The following CDC42EP4 variants were observed in gnomAD, a reference collection of about 807,000 sequenced individuals.
CDC42EP4 encodes the protein CDC42 effector protein (Rho GTPase binding) 4.
A neutral mutation model predicts 5.6 loss-of-function variants in CDC42EP4; 6 were observed. The ratio of observed to expected loss-of-function variants is 1.07; its 90% CI spans 0.59 to 2.12. The LOEUF (loss-of-function observed/expected upper bound fraction) is 2.12. Ranked by LOEUF, CDC42EP4 falls within the 30% of genes most tolerant of loss-of-function variation. The pLI, the probability that CDC42EP4 is intolerant of heterozygous loss-of-function variation, is 0.00. For missense variants in CDC42EP4, 490 were observed against 508.6 expected, an observed-to-expected ratio of 0.96 and a Z score of 0.35; for synonymous variants, 230 against 224.2, an observed-to-expected ratio of 1.03 and a Z score of -0.23.
intron 1 of CDC42EP4, among the ~76,000 whole-genome samples, chr17:73,310,528 C>A (rs889720676): frequency 5.9e-5 from 9 of 151,982 alleles, no homozygotes; most frequent in African/African-American, 1.9e-4. Flanking sequence ...ACAGTGGGCA[C>A]CGGGCACACA....
intron 1 of CDC42EP4, among the ~76,000 whole-genome samples, chr17:73,304,815 C>T (rs938279887): frequency 6.6e-6 from 1 of 152,154 alleles, no homozygotes; most frequent in African/African-American, 2.4e-5. Context: ...GCACCTCATT[C>T]CCCACCACTC....
intron 1 of CDC42EP4, among the ~76,000 whole-genome samples, chr17:73,296,374 C>T (rs926267750): frequency 8.8e-5 from 13 of 147,230 alleles, no homozygotes; most frequent in South Asian, 2.2e-4. Context: ...GCCGAGATCA[C>T]GCCATTGCAC....
At chr17:73,309,417 T>A (rs2062262111) in intron 1 of CDC42EP4, among the ~76,000 whole-genome samples, 1 of 152,040 alleles carries the variant, frequency 6.6e-6, no homozygotes, top group African/African-American at 2.4e-5. Context: ...CTCTCCCAGG[T>A]CAACACTCAC....
In CDC42EP4 at chr17:73,285,212, CATG is replaced by C. The variant is rs1230283871; in HGVS notation, c.*215_*217del. 3 of 446,202 alleles carry C rather than the reference CATG, an allele frequency of 6.7e-6. No homozygotes were observed. Among genetic ancestry groups the C allele is most frequent in the East Asian group, 6.6e-5 (2 of 30,132 alleles). 27.6% of individuals were successfully genotyped at this position (446,202 alleles called of 1,614,324 possible). On this transcript the variant is annotated 3_prime_UTR_variant, in exon 2 of 2. Transcript: ENST00000335793. This position sits in a 1 kb window ranked among gnomAD's most constrained non-coding sequence, Gnocchi z 6.8. Reference sequence around the variant, plus strand: ...TCCCACGCAGCCTAAGTGCAGGGAGCATGATGAAGTCAGGCAGCCAGTCGGCAC... The same window carrying C: ...TCCCACGCAGCCTAAGTGCAGGGAGCATGAAGTCAGGCAGCCAGTCGGCAC...
intron 1 of CDC42EP4, among the ~76,000 whole-genome samples, chr17:73,300,922 G>A (rs894533711): frequency 1.3e-5 from 2 of 152,004 alleles, no homozygotes; most frequent in Non-Finnish European, 2.9e-5. Context: ...GCGTGCGCCT[G>A]TAATCCCAGC....
intron 1 of CDC42EP4, among the ~76,000 whole-genome samples, chr17:73,304,289 T>C (rs910958728): frequency 2.6e-5 from 4 of 151,720 alleles, no homozygotes; most frequent in African/African-American, 9.7e-5. Context: ...TTTTTTTTTT[T>C]TTCCTGAGAG....
intron 1 of CDC42EP4, among the ~76,000 whole-genome samples, chr17:73,303,785 AG>A (rs2062231493): frequency 6.6e-6 from 1 of 152,172 alleles, no homozygotes; most frequent in South Asian, 2.1e-4. Context: ...TCCTAGGGCT[AG>A]TCCCACTGAT....
intron 1 of CDC42EP4, among the ~76,000 whole-genome samples, chr17:73,292,489 T>C (rs1200637889): frequency 6.7e-6 from 1 of 150,228 alleles, no homozygotes; most frequent in Non-Finnish European, 1.5e-5. Context: ...GGCACGTGTG[T>C]AGTGTGAGTG....
intron 1 of CDC42EP4, among the ~76,000 whole-genome samples, chr17:73,291,987 G>A (rs1294086118): frequency 2.0e-5 from 3 of 152,128 alleles, no homozygotes; most frequent in African/African-American, 7.2e-5. Flanking sequence ...TCCCAGCTTG[G>A]CCAGCCCAGC....
At position 73,286,912 on chromosome 17, in the gene CDC42EP4, A is replaced by T. The variant is rs919352333; in HGVS notation, c.-112-300T>A. On this transcript the variant is annotated intron_variant, in intron 1 of 1. Transcript: ENST00000335793. This position sits in a 1 kb window ranked among gnomAD's most constrained non-coding sequence, Gnocchi z 7.7. ...AATGCCTCCCCTGCCCCTGCAAGCC[A>T]GGATGCTGCCAGAGTAAACATGACC... is the stretch of plus-strand genomic sequence containing the variant. 1 of 183,150 alleles carries T rather than the reference A, an allele frequency of 5.5e-6. No individual in the cohort carries two copies. Among genetic ancestry groups the T allele is most frequent in the Admixed American group, 5.3e-5 (1 of 18,728 alleles). 11.3% of individuals were successfully genotyped at this position (183,150 alleles called of 1,614,324 possible). A position where few individuals can be genotyped will look rare whatever the true frequency, so the allele number is the denominator to read the frequency against.
chr17:73,300,831 G>A (rs750146932), intron 1 of CDC42EP4, among the ~76,000 whole-genome samples: 13 of 152,182 alleles, frequency 8.5e-5, no homozygotes, highest in Non-Finnish European at 1.6e-4. Context: ...CAGATCACCT[G>A]AGGTCAGGTG....
At chr17:73,301,371 A>G (rs962951240) in intron 1 of CDC42EP4, among the ~76,000 whole-genome samples, 2 of 152,244 alleles carry the variant, frequency 1.3e-5, no homozygotes, top group Non-Finnish European at 2.9e-5. Context: ...GGATAAATAA[A>G]GCCAACCATT....
At chr17:73,291,666 T>C (rs2062161869) in intron 1 of CDC42EP4, among the ~76,000 whole-genome samples, 1 of 151,932 alleles carries the variant, frequency 6.6e-6, no homozygotes, top group Non-Finnish European at 1.5e-5. Context: ...GGGCAGGCAC[T>C]CCCCATAGCC....
chr17:73,301,710 CTTTT>C (rs35550966), intron 1 of CDC42EP4, among the ~76,000 whole-genome samples: 7 of 131,386 alleles, frequency 5.3e-5, no homozygotes, highest in East Asian at 2.2e-4. Context: ...CCATGCCCAG[CTTTT>C]TTTTTTTTTT....
intron 1 of CDC42EP4, among the ~76,000 whole-genome samples, chr17:73,294,746 C>CCA (rs374824297): frequency 3.9e-5 from 6 of 152,018 alleles, no homozygotes; most frequent in Non-Finnish European, 8.8e-5. Flanking sequence ...CACACACACA[C>CCA]CACACACACA....
chr17:73,292,321 G>C (rs944898798), intron 1 of CDC42EP4, among the ~76,000 whole-genome samples: 5 of 152,214 alleles, frequency 3.3e-5, no homozygotes, highest in African/African-American at 1.2e-4. Flanking sequence ...TTTAGTGCAC[G>C]ATGACTTTAG....
At chr17:73,308,651 G>A (rs374306623) in intron 1 of CDC42EP4, among the ~76,000 whole-genome samples, 15 of 152,268 alleles carry the variant, frequency 9.9e-5, no homozygotes, top group African/African-American at 2.9e-4. Context: ...AGTCCGGGCC[G>A]CAGAAATCAA....
At chr17:73,302,874 C>T (rs537977086) in intron 1 of CDC42EP4, among the ~76,000 whole-genome samples, 1 of 149,866 alleles carries the variant, frequency 6.7e-6, no homozygotes, top group Non-Finnish European at 1.5e-5. Flanking sequence ...AACCCCGTCT[C>T]TACTAAAAAT....
intron 1 of CDC42EP4, among the ~76,000 whole-genome samples, chr17:73,287,069 G>A (rs986082604): frequency 6.6e-6 from 1 of 152,164 alleles, no homozygotes; most frequent in Non-Finnish European, 1.5e-5. Context: ...GTCTAACCTC[G>A]ATCCCTGTGG....
Sources: allele counts gnomAD v4.1 joint callset (sites outside exome capture counted in the v4.1 genomes callset), GRCh38; gene constraint gnomAD v4.1.1; non-coding constraint Gnocchi (gnomAD v3.1); transcripts MANE v1.5; gene names NCBI Gene and HGNC (gene_info 2026-07-23, HGNC 2026-07-21).